Variants in ANK2 observed in about 807,000 individuals in gnomAD.
ANK2 encodes ankyrin 2, also known as ankyrin-2.
A neutral mutation model predicts 360.5 loss-of-function variants in ANK2; 83 were observed. The ratio of observed to expected loss-of-function variants is 0.23; its 90% CI spans 0.19 to 0.28. The LOEUF is 0.28. Among genes scored for constraint, ANK2 ranks in the 10% least tolerant of loss-of-function variants. The pLI, the probability that ANK2 is intolerant of heterozygous loss-of-function variation, is 1.00. For synonymous variants in ANK2, 1,740 were observed against 1,759.5 expected (o/e 0.99, Z 0.28); for missense variants, 4,201 against 4,795.7 (o/e 0.88, Z 3.66).
At chr4:112,773,164 A>G in the ANK2 span, among the ~76,000 whole-genome samples, 3 of 152,102 alleles carry the variant, frequency 2.0e-5, no homozygotes, top group Non-Finnish European at 2.9e-5. Flanking sequence ...AAAAAATGCA[A>G]AAATTAGCCA....
At chr4:113,188,785 T>C (rs1403536486) in intron 2 of ANK2, among the ~76,000 whole-genome samples, 3 of 152,162 alleles carry the variant, frequency 2.0e-5, no homozygotes, top group Admixed American at 2.0e-4. Context: ...GTGTTAATGG[T>C]AACCAATTTG....
intron 1 of ANK2, among the ~76,000 whole-genome samples, chr4:113,111,500 A>C (rs1312469733): frequency 1.3e-5 from 2 of 152,198 alleles, no homozygotes; most frequent in Non-Finnish European, 2.9e-5. Context: ...TTTTAACCAC[A>C]ATTCAGTGCT....
At chr4:113,021,497 GTATATATTATGTGTA>G (rs2058058232) in intron 2 of ANK2, among the ~76,000 whole-genome samples, 2 of 119,506 alleles carry the variant, frequency 1.7e-5, no homozygotes, top group African/African-American at 6.1e-5. Context: ...GTATGTGTAT[GTATATATTATGTGTA>G]TATATACACA....
Position 113,174,521 on chromosome 4 carries a change from A to C in ANK2, c.186+4A>C, listed in dbSNP as rs1407623315. Reference sequence around the variant, plus strand: ...AGACATCAATACCTGCAATCAGGTAAGAACATGGCAGCTAGCTCTGTGTTG... The same window carrying C: ...AGACATCAATACCTGCAATCAGGTACGAACATGGCAGCTAGCTCTGTGTTG... On this transcript the variant is annotated splice_donor_region_variant and intron_variant, in intron 2 of 45. Transcript: ENST00000357077. 7.6e-6 allele frequency: 12 copies of C among 1,584,304 alleles called. No individual in the cohort carries two copies. The highest frequency in any genetic ancestry group is 9.5e-6 in the Non-Finnish European group (11 of 1,154,490).
chr4:112,919,011 C>T (rs2090737581), intron 2 of ANK2, among the ~76,000 whole-genome samples: 1 of 152,134 alleles, frequency 6.6e-6, no homozygotes, highest in African/African-American at 2.4e-5. Context: ...TTTTCTTTCA[C>T]TTTTTAGTTA....
intron 1 of ANK2, among the ~76,000 whole-genome samples, chr4:113,117,813 T>TA (rs2094974859): frequency 6.6e-6 from 1 of 152,118 alleles, no homozygotes; most frequent in Non-Finnish European, 1.5e-5. Flanking sequence ...TACTCTATCT[T>TA]TAGCAGTGTG....
intron 13 of ANK2, among the ~76,000 whole-genome samples, chr4:113,259,671 G>A (rs904071009): frequency 1.3e-5 from 2 of 151,814 alleles, no homozygotes; most frequent in Non-Finnish European, 2.9e-5. Context: ...AATATTATAT[G>A]CTAATCTTTA....
chr4:112,914,483 C>T (rs180891384), intron 2 of ANK2, among the ~76,000 whole-genome samples: 3 of 152,054 alleles, frequency 2.0e-5, no homozygotes, highest in East Asian at 1.9e-4. Flanking sequence ...ATTAGCCGGG[C>T]GTGGTGGCAC....
At chr4:113,100,979 G>C (rs1274220102) in intron 1 of ANK2, among the ~76,000 whole-genome samples, 1 of 152,014 alleles carries the variant, frequency 6.6e-6, no homozygotes, top group South Asian at 2.1e-4. Context: ...TGGGGAGAAG[G>C]GGAAGTGATG....
At chr4:113,151,362 T>G (rs1175917965) in intron 1 of ANK2, among the ~76,000 whole-genome samples, 1 of 152,214 alleles carries the variant, frequency 6.6e-6, no homozygotes, top group Non-Finnish European at 1.5e-5. Flanking sequence ...TGCACCAGCA[T>G]CTGCTTTTGG....
At chr4:112,916,440 G>A (rs72892437) in intron 2 of ANK2, among the ~76,000 whole-genome samples, 8,950 of 152,168 alleles carry the variant, frequency 0.059, 520 homozygotes, top group African/African-American at 0.15. Context: ...TCTAAATTAT[G>A]GTTATGAAGC....
At chr4:112,883,277 G>A (rs1027171829) in intron 1 of ANK2, among the ~76,000 whole-genome samples, 33 of 151,908 alleles carry the variant, frequency 2.2e-4, no homozygotes, top group Non-Finnish European at 3.5e-4. Context: ...GACCTCAAGT[G>A]ATCCACCCAC....
chr4:113,173,384 A>C (rs2098066043), intron 1 of ANK2, among the ~76,000 whole-genome samples: 1 of 152,196 alleles, frequency 6.6e-6, no homozygotes, highest in Non-Finnish European at 1.5e-5. Flanking sequence ...TAGCCTAGTG[A>C]GGAGAATGTT....
intron 36 of ANK2, among the ~76,000 whole-genome samples, chr4:113,349,033 T>C (rs1054014427): frequency 6.6e-6 from 1 of 152,106 alleles, no homozygotes; most frequent in Non-Finnish European, 1.5e-5. Context: ...AATAATTTCT[T>C]ATAAAGTGGG....
intron 10 of ANK2, among the ~76,000 whole-genome samples, chr4:113,253,415 C>T (rs1369633351): frequency 6.6e-6 from 1 of 152,196 alleles, no homozygotes; most frequent in African/African-American, 2.4e-5. Flanking sequence ...GAGTGTACAT[C>T]TCCAGAATTC....
intron 9 of ANK2, among the ~76,000 whole-genome samples, chr4:113,247,070 G>A (rs1045509330): frequency 1.3e-5 from 2 of 151,646 alleles, no homozygotes; most frequent in African/African-American, 4.9e-5. Context: ...AACTACATAA[G>A]TGGCATCCCT....
the ANK2 span, among the ~76,000 whole-genome samples, chr4:112,774,662 G>A: frequency 2.6e-5 from 4 of 152,222 alleles, no homozygotes; most frequent in Non-Finnish European, 5.9e-5. Context: ...TGGGCAGGCA[G>A]CATTTGAATT....
chr4:113,183,954 A>G (rs2098465159), intron 2 of ANK2, among the ~76,000 whole-genome samples: 1 of 142,732 alleles, frequency 7.0e-6, no homozygotes, highest in Non-Finnish European at 1.5e-5. Context: ...AAATAGTTTA[A>G]AAGAGTTTAA....
intron 24 of ANK2, among the ~76,000 whole-genome samples, chr4:113,314,144 G>A (rs902030638): frequency 2.6e-5 from 4 of 152,116 alleles, no homozygotes; most frequent in African/African-American, 9.7e-5. Flanking sequence ...ATACAACCAA[G>A]TTATGATTAG....
Sources: gnomAD v4.1 joint callset for allele counts (sites outside exome capture counted in the v4.1 genomes callset) on GRCh38, gnomAD v4.1.1 for gene constraint, MANE v1.5 for transcripts, NCBI Gene and HGNC (gene_info 2026-07-23, HGNC 2026-07-21) for gene names.